The following UBAP2L variants were observed in gnomAD, a reference collection of about 807,000 sequenced individuals.
The protein encoded by UBAP2L is ubiquitin associated protein 2 like.
A neutral mutation model predicts 130.6 loss-of-function variants in UBAP2L; 12 were observed. The observed-to-expected ratio is 0.09, with a 90% CI of 0.06 to 0.15. The LOEUF is 0.15. UBAP2L is among the 10% of genes least tolerant of loss of function. The pLI is 1.00. For synonymous variants in UBAP2L, 503 were observed against 524.7 expected (o/e 0.96, Z 0.57); for missense variants, 965 against 1,332.5 (o/e 0.72, Z 4.29).
intron 10 of UBAP2L, among the ~76,000 whole-genome samples, chr1:154,245,675 G>A (rs1675201747): frequency 6.6e-6 from 1 of 152,116 alleles, no homozygotes; most frequent in Non-Finnish European, 1.5e-5. Context: ...CAGCACTTTG[G>A]GAGGCCAAGG....
intron 4 of UBAP2L, among the ~76,000 whole-genome samples, chr1:154,234,264 G>A (rs1416546459): frequency 1.3e-5 from 2 of 152,106 alleles, no homozygotes; most frequent in Non-Finnish European, 2.9e-5. Context: ...TTGAGAGACT[G>A]AGGCACGAGA....
At position 154,270,183 on chromosome 1, in the gene UBAP2L, C is replaced by G. The variant is rs1262095678; in HGVS notation, c.3169-17C>G. ...AGACACCTTTTTCCTCCTCATGATC[C>G]TCCCATTCCCCTGCAGACGGGCAGC... On this transcript the variant is annotated splice_polypyrimidine_tract_variant and intron_variant, in intron 26 of 26. Coordinates refer to ENST00000428931, the MANE Select transcript of UBAP2L (RefSeq NM_014847.4). 3 of 1,570,274 alleles carry G rather than the reference C, an allele frequency of 1.9e-6. No homozygotes were observed. The highest frequency in any genetic ancestry group is 2.6e-6 in the Non-Finnish European group (3 of 1,157,192).
At chr1:154,266,636 G>C in intron 25 of UBAP2L, 68 bp downstream of exon 25, 3 of 1,520,480 alleles carry the variant, frequency 2.0e-6, no homozygotes, top group Non-Finnish European at 2.7e-6. Flanking sequence ...TGCAATGGTA[G>C]AAATAACAGT....
intron 24 of UBAP2L, among the ~76,000 whole-genome samples, chr1:154,266,286 G>C (rs1413496014): frequency 6.6e-6 from 1 of 152,100 alleles, no homozygotes; most frequent in African/African-American, 2.4e-5. Context: ...TCTCTCTCAC[G>C]TATACTCAAC....
At position 154,270,483 on chromosome 1, in the gene UBAP2L, T is replaced by C. The variant is rs192672973; in HGVS notation, c.*188T>C. The stretch of plus-strand genomic sequence containing the variant: ...CATCCCCACCCTGTTGTATGTATTA[T>C]AGGATTTGTATTTTCTCCTTTTTTT... On this transcript the variant is annotated 3_prime_UTR_variant, in exon 27 of 27. Transcript: ENST00000428931. 2.1e-4 allele frequency: 318 copies of C among 1,482,376 alleles called. 2 individuals carry two copies. In the East Asian group the frequency reaches 6.7e-3, roughly 31 times the overall value. 91.8% of individuals were successfully genotyped at this position (1,482,376 alleles called of 1,614,324 possible). A position where few individuals can be genotyped will look rare whatever the true frequency, so the allele number is the denominator to read the frequency against.
chr1:154,234,625 T>A lies in UBAP2L; in HGVS notation c.314T>A (p.Val105Asp), dbSNP rs1309105551. Residue 105 changes from valine (V) to aspartate (D), a missense_variant, in exon 5 of 27, where the codon GTC becomes GAC. This residue lies in a region of UBAP2L where 109 missense variants were observed against 146.6 expected (regional missense o/e 0.74). Transcript: ENST00000428931. ...GAGATGGTCGGGAAGAAGAAGGGAG[T>A]CTCAGGCCAGAAGGATGGTGGCCAG... The part of the protein sequence containing the change: ...SWEMVGKKKG[V>D]SGQKDGGQTE... 1 of 1,613,692 alleles carries A rather than the reference T, an allele frequency of 6.2e-7. No individual in the cohort carries two copies. The highest frequency in any genetic ancestry group is 8.5e-7 in the Non-Finnish European group (1 of 1,179,894).
Position 154,254,879 on chromosome 1 carries a change from A to C in UBAP2L, c.1898A>C (p.Gln633Pro). The change falls in exon 16 of 27, where the codon CAA (glutamine) becomes CCA (proline). Residue 633 changes from glutamine (Q) to proline (P), a missense_variant. By Grantham distance (76) the Gln-to-Pro change is moderately conservative. This residue lies in a region of UBAP2L where 393 missense variants were observed against 408.1 expected (regional missense o/e 0.96). Transcript: ENST00000428931. ...CAGGCCACGCAGTTACAGACCACAC[A>C]ATCTGTTGAAGGTGAGTGTTCTTCA... ...SVQATQLQTTQSVEGATGSAV... is the reference protein window; with the variant it reads ...SVQATQLQTTPSVEGATGSAV... The C allele has an allele frequency of 6.3e-7, 1 of 1,597,640 alleles. No homozygotes were observed. Among genetic ancestry groups the C allele is most frequent in the Non-Finnish European group, 8.5e-7 (1 of 1,175,914 alleles).
chr1:154,237,400 GA>G (rs973198603), intron 8 of UBAP2L, among the ~76,000 whole-genome samples: 6 of 152,142 alleles, frequency 3.9e-5, no homozygotes, highest in African/African-American at 1.4e-4. Flanking sequence ...AACTAAGGCC[GA>G]AAGAGAGGTT....
At position 154,270,385 on chromosome 1, in the gene UBAP2L, G is replaced by A. The variant is rs1684483168; in HGVS notation, c.*90G>A. On this transcript the variant is annotated 3_prime_UTR_variant, in exon 27 of 27. Transcript: ENST00000428931. ...ACAGCATCAAAGAGAAAGGAATGTG[G>A]GGGGTTTCCGCTGCCCCCCACCCCC... is the stretch of plus-strand genomic sequence containing the variant. 6.4e-7 allele frequency: 1 copy of A among 1,566,592 alleles called. No homozygotes were observed. The highest frequency in any genetic ancestry group is 1.2e-5 in the South Asian group (1 of 86,482).
chr1:154,269,503 C>T (rs768239674), intron 26 of UBAP2L: 11 of 1,121,524 alleles, frequency 9.8e-6, no homozygotes, highest in South Asian at 2.6e-5. Flanking sequence ...AAAGACTGCG[C>T]GGTCACAAAT....
chr1:154,238,082 C>G (rs1230266397), intron 8 of UBAP2L, among the ~76,000 whole-genome samples: 5 of 152,188 alleles, frequency 3.3e-5, no homozygotes, highest in Non-Finnish European at 1.5e-5. Context: ...TTCACAGATA[C>G]GTGATCTCTG....
chr1:154,252,838 C>A (rs1456271808), intron 14 of UBAP2L, among the ~76,000 whole-genome samples: 1 of 152,080 alleles, frequency 6.6e-6, no homozygotes, highest in African/African-American at 2.4e-5. Context: ...GGATTACAGG[C>A]GTGAGCCACC....
chr1:154,254,705 A>T, intron 15 of UBAP2L, 131 bp from the exon 16 acceptor site: 4 of 1,004,744 alleles, frequency 4.0e-6, no homozygotes, highest in Non-Finnish European at 5.8e-6. Context: ...ATTAATATTA[A>T]TCCTTTTGGT....
intron 4 of UBAP2L, among the ~76,000 whole-genome samples, chr1:154,229,198 T>C (rs1170589602): frequency 1.3e-5 from 2 of 152,176 alleles, no homozygotes; most frequent in Non-Finnish European, 2.9e-5. Context: ...CACTACTGTT[T>C]CATTGCCTGA....
In UBAP2L at chr1:154,231,288, C is replaced by CT. The variant is rs5777894; in HGVS notation, c.279+2577dup. ...AACAGGTGTGCGCCACCACACTTGG[C>CT]TTTTTTTTTTTTTTCTTTTTTCTTT... On this transcript the variant is annotated intron_variant, in intron 4 of 26. Transcript: ENST00000428931. 5.2e-4 allele frequency among the ~76,000 whole-genome samples: 72 copies of CT among 138,358 alleles called. 1 individual carries two copies. The highest frequency in any genetic ancestry group is 1.4e-3 in the Admixed American group (19 of 13,738). The allele number at this position is 138,358 out of a possible 152,430, so 90.8% of individuals were successfully genotyped here.
downstream of UBAP2L, chr1:154,271,227 A>C (rs1684667301): frequency 2.9e-6 from 1 of 346,196 alleles, no homozygotes; most frequent in African/African-American, 2.1e-5. Flanking sequence ...CAAAGAAAAA[A>C]AATGCTTTAT....
chr1:154,222,751 A>T (rs1296675941), intron 1 of UBAP2L, among the ~76,000 whole-genome samples: 1 of 152,216 alleles, frequency 6.6e-6, no homozygotes, highest in African/African-American at 2.4e-5. Flanking sequence ...CTACTAAGTC[A>T]TACTGCTTTT....
At chr1:154,220,255 G>A, upstream of UBAP2L, 3 of 1,483,370 alleles carry the variant, frequency 2.0e-6, no homozygotes, top group Non-Finnish European at 2.8e-6. Flanking sequence ...GTGAGTGGGT[G>A]GAGAATGCAG....
intron 25 of UBAP2L, 33 bp downstream of exon 25, chr1:154,266,601 GAGAT>G (rs1683296272): frequency 3.7e-6 from 6 of 1,604,798 alleles, no homozygotes; most frequent in Middle Eastern, 1.7e-4. Flanking sequence ...AAGTGGAAAA[GAGAT>G]AGACATAGAG....
Sources: allele counts gnomAD v4.1 joint callset (sites outside exome capture counted in the v4.1 genomes callset), GRCh38; gene constraint gnomAD v4.1.1; regional missense constraint gnomAD v4.1.1; transcripts MANE v1.5; gene names NCBI Gene and HGNC (gene_info 2026-07-23, HGNC 2026-07-21).